The following PPIP5K1 variants were observed in gnomAD, a reference collection of about 807,000 sequenced individuals.
The protein encoded by PPIP5K1 is diphosphoinositol pentakisphosphate kinase 1, also known as inositol hexakisphosphate and diphosphoinositol-pentakisphosphate kinase 1.
A neutral mutation model predicts 27.7 loss-of-function variants in PPIP5K1; 6 were observed. The observed-to-expected ratio is 0.22, with a 90% CI of 0.12 to 0.43. PPIP5K1 has a LOEUF of 0.43. Among genes scored for constraint, PPIP5K1 ranks in the 20% least tolerant of loss-of-function variants. The pLI is 1.00. For missense variants in PPIP5K1, 394 were observed against 635.4 expected, an observed-to-expected ratio of 0.62 and a Z score of 4.08; for synonymous variants, 145 against 242.6, an observed-to-expected ratio of 0.60 and a Z score of 3.74.
chr15:43,535,141 A>G lies in PPIP5K1; in HGVS notation c.4006T>C (p.Cys1336Arg), dbSNP rs372339195. 1.2e-5 allele frequency: 20 copies of G among 1,613,534 alleles called. No homozygotes were observed. Among genetic ancestry groups the G allele is most frequent in the Non-Finnish European group, 1.6e-5 (19 of 1,179,866 alleles). ...TGGCTGATGTCAGGGACCTTCTGAC[A>G]TGGCTGGCTGAGCGCCTCAGAAATG... ...QDISEALSQP[C>R]QKVPDISQQC... Residue 1336 changes from cysteine (C) to arginine (R), a missense_variant, in exon 32 of 32, where the codon TGT becomes CGT. Physicochemically the swap from Cys to Arg is radical, Grantham distance 180. This residue lies in a region of PPIP5K1 where 379 missense variants were observed against 423.9 expected (regional missense o/e 0.89). Transcript: ENST00000420765.
intron 30 of PPIP5K1, among the ~76,000 whole-genome samples, chr15:43,552,528 T>TAAAAAAAAAAAAA (rs535937209): frequency 1.4e-5 from 1 of 69,404 alleles, no homozygotes; most frequent in African/African-American, 4.3e-5. Context: ...TCTGTCTCTA[T>TAAAAAAAAAAAAA]AAAAAAAAAA....
At chr15:43,586,757 C>CAAAT (rs1203234352) in intron 1 of PPIP5K1, among the ~76,000 whole-genome samples, 13 of 90,040 alleles carry the variant, frequency 1.4e-4, no homozygotes, top group Non-Finnish European at 2.4e-4. Context: ...TAATAGAAGA[C>CAAAT]AAATGCCCAA....
At chr15:43,560,344 A>G (rs2083629961) in intron 29 of PPIP5K1, 69 bp downstream of exon 29, 1 of 1,021,166 alleles carries the variant, frequency 9.8e-7, no homozygotes, top group African/African-American at 1.6e-5. Flanking sequence ...TCCTGCCAGA[A>G]GTGCAATAAG....
At chr15:43,567,410 G>GA (rs1418380976) in intron 26 of PPIP5K1, among the ~76,000 whole-genome samples, 335 of 5,852 alleles carry the variant, frequency 0.057, no homozygotes, top group Admixed American at 0.075. Context: ...GAGCCACTGC[G>GA]CCTGGCCAGA....
At position 43,534,988 on chromosome 15, in the gene PPIP5K1, C is replaced by T; in HGVS notation, c.4159G>A (p.Glu1387Lys). The T allele has an allele frequency of 6.2e-7, 1 of 1,612,854 alleles. No homozygotes were observed. ...GGCTGGCTGACCTCCTCGGAGTTCT[C>T]CAGACATAGCTGGCAAACTTCCTCA... ...VSEEVCQLCLENSEEVSQPCQ... is the reference protein window; with the variant it reads ...VSEEVCQLCLKNSEEVSQPCQ... Residue 1387 changes from glutamate to lysine, a missense_variant, in exon 32 of 32, where the codon GAG becomes AAG. Glu to Lys is a moderately conservative substitution (Grantham distance 56, BLOSUM62 1). Around this residue, in one of 4 missense-constraint regions of PPIP5K1, gnomAD observed 379 missense variants for 423.9 expected, o/e 0.89. Transcript: ENST00000420765.
At chr15:43,538,077 TGAAATTCAGGGGAG>T (rs1486433215) in intron 31 of PPIP5K1, among the ~76,000 whole-genome samples, 1 of 152,104 alleles carries the variant, frequency 6.6e-6, no homozygotes, top group African/African-American at 2.4e-5. Context: ...TAGGATAATC[TGAAATTCAGGGGAG>T]GAATTCTTGG....
chr15:43,538,447 T>C (rs2080201488), intron 31 of PPIP5K1, among the ~76,000 whole-genome samples: 1 of 152,240 alleles, frequency 6.6e-6, no homozygotes, highest in African/African-American at 2.4e-5. Flanking sequence ...CAACTTAAAC[T>C]AAAAATTGAA....
rs1567001745 is a variant in PPIP5K1, at chr15:43,537,372, A to AG, written c.3671-1897dup. 19 of 279,954 alleles carry AG rather than the reference A, an allele frequency of 6.8e-5. No homozygotes were observed. In the Admixed American group the frequency reaches 8.0e-4, roughly 12 times the overall value. The allele number at this position is 279,954 out of a possible 1,614,324, so 17.3% of individuals were successfully genotyped here. A position where few individuals can be genotyped will look rare whatever the true frequency, so the allele number is the denominator to read the frequency against. ...AAAAAAAAAAAAAAAAAAAAAAAAA[A>AG]GAATCAAAGGAGGCATGCTTCAAGC... is the stretch of plus-strand genomic sequence containing the variant. On this transcript the variant is annotated intron_variant, in intron 31 of 31. Coordinates refer to ENST00000420765, the MANE Select transcript of PPIP5K1 (RefSeq NM_001394395.1).
At position 43,553,439 on chromosome 15, in the gene PPIP5K1, C is replaced by A. The variant is rs560145545; in HGVS notation, c.3556+5356G>T. The stretch of plus-strand genomic sequence containing the variant: ...ACTACAACAGCCTTAACTTCCTGGG[C>A]TCAAGGAGTCCTCTCACCTTAGCCC... On this transcript the variant is annotated intron_variant, in intron 30 of 31. Transcript: ENST00000420765. 2.6e-5 allele frequency among the ~76,000 whole-genome samples: 4 copies of A among 152,056 alleles called. No individual in the cohort carries two copies. The South Asian group carries it at 8.3e-4, about 32-fold the overall frequency.
chr15:43,557,880 A>C (rs1449919020), intron 30 of PPIP5K1, among the ~76,000 whole-genome samples: 2 of 140,162 alleles, frequency 1.4e-5, no homozygotes, highest in Non-Finnish European at 3.0e-5. Context: ...TATGTTGCAC[A>C]GGCTAGTCTT....
At position 43,535,460 on chromosome 15, in the gene PPIP5K1, A is replaced by G. The variant is rs139907863; in HGVS notation, c.3687T>C (p.Ser1229=). The G allele has an allele frequency of 4.2e-5, 66 of 1,579,454 alleles. No individual in the cohort carries two copies. The African/African-American group carries it at 8.2e-4, about 20-fold the overall frequency. ...AAGGACCAGCACTGGACACAGTGCT[A>G]GAAGGGCCACTGCTGTCTGTAAAGC... ...EKPPWYSSGP[S]STVSSAGPSS... The change falls in exon 32 of 32, where the codon TCT becomes TCC. Residue 1229 remains serine (S), a synonymous_variant. Coordinates refer to ENST00000420765, the MANE Select transcript of PPIP5K1 (RefSeq NM_001394395.1).
intron 30 of PPIP5K1, among the ~76,000 whole-genome samples, chr15:43,557,907 C>A (rs1231015717): frequency 6.8e-6 from 1 of 146,350 alleles, no homozygotes; most frequent in Admixed American, 7.0e-5. Context: ...CTGGACTCAA[C>A]AATCCTCCTG....
intron 31 of PPIP5K1, among the ~76,000 whole-genome samples, chr15:43,537,707 AGAGAGAGAG>A (rs1390294802): frequency 1.3e-4 from 13 of 99,292 alleles, no homozygotes; most frequent in African/African-American, 5.0e-4. Context: ...AAAAAAAAAA[AGAGAGAGAG>A]AGAGAGAGAG....
intron 30 of PPIP5K1, among the ~76,000 whole-genome samples, chr15:43,550,706 C>T (rs2082088357): frequency 6.6e-6 from 1 of 152,162 alleles, no homozygotes; most frequent in Admixed American, 6.6e-5. Flanking sequence ...GGAAAGCCTT[C>T]AGTGTTACAC....
chr15:43,539,348 A>G (rs1242270381), intron 31 of PPIP5K1, 122 bp downstream of exon 31: 1 of 739,990 alleles, frequency 1.4e-6, no homozygotes, highest in Non-Finnish European at 2.4e-6. Flanking sequence ...ACTGCTTCCC[A>G]GAATGGATAT....
intron 29 of PPIP5K1, 93 bp from the exon 30 acceptor site, chr15:43,559,025 G>A: frequency 6.6e-7 from 1 of 1,511,502 alleles, no homozygotes. Flanking sequence ...AGAGCCATCA[G>A]GAGAGTCCGT....
chr15:43,546,886 T>G (rs2081437386), intron 30 of PPIP5K1, among the ~76,000 whole-genome samples: 2 of 152,064 alleles, frequency 1.3e-5, no homozygotes, highest in Non-Finnish European at 2.9e-5. Flanking sequence ...CTTGAACTCC[T>G]GTGCTCAAGT....
intron 30 of PPIP5K1, among the ~76,000 whole-genome samples, chr15:43,546,924 G>C (rs1022391619): frequency 6.6e-6 from 1 of 152,172 alleles, no homozygotes; most frequent in African/African-American, 2.4e-5. Context: ...CTCCCAAAGA[G>C]CTGGGATTAC....
At chr15:43,550,283 G>A (rs958635091) in intron 30 of PPIP5K1, among the ~76,000 whole-genome samples, 2 of 151,894 alleles carry the variant, frequency 1.3e-5, no homozygotes, top group African/African-American at 2.4e-5. Context: ...CTACAGGTGC[G>A]CACCAACATG....
Sources: gnomAD v4.1 joint callset for allele counts (sites outside exome capture counted in the v4.1 genomes callset) on GRCh38, gnomAD v4.1.1 for gene constraint, gnomAD v4.1.1 regional missense constraint, MANE v1.5 for transcripts, NCBI Gene and HGNC (gene_info 2026-07-23, HGNC 2026-07-21) for gene names.